The following MTMR3 variants were observed in gnomAD, a reference collection of about 807,000 sequenced individuals.
The protein encoded by MTMR3 is myotubularin related protein 3.
MTMR3 carries 32 observed loss-of-function variants against 132.4 expected under a neutral mutation model. That is an observed-to-expected ratio of 0.24 (90% CI 0.18 to 0.32). The LOEUF (loss-of-function observed/expected upper bound fraction) is 0.32, where lower values mean the gene tolerates loss of function less well. Ranked by LOEUF, MTMR3 falls within the 10% of genes least tolerant of loss-of-function variation. The pLI is 1.00. For synonymous variants in MTMR3, 556 were observed against 550.3 expected (o/e 1.01, Z -0.14); for missense variants, 1,216 against 1,489.6 (o/e 0.82, Z 3.02).
At position 29,967,296 on chromosome 22, in the gene MTMR3, G is replaced by A. The variant is rs970119308; in HGVS notation, c.-84-3680G>A. 5.3e-5 allele frequency among the ~76,000 whole-genome samples: 8 copies of A among 151,900 alleles called. No individual in the cohort carries two copies. In the East Asian group the frequency reaches 1.6e-3, roughly 29 times the overall value. ...CTTGCTCTGTCACTCAGGCTGGAGT[G>A]CAGTAGCATAAGCTCACTGCAGCCT... On this transcript the variant is annotated intron_variant, in intron 2 of 19. Coordinates refer to ENST00000401950, the MANE Select transcript of MTMR3 (RefSeq NM_021090.4).
At chr22:29,985,825 A>T (rs899828399) in intron 5 of MTMR3, 3 of 152,222 alleles carry the variant, frequency 2.0e-5, no homozygotes, top group Non-Finnish European at 2.9e-5. Context: ...TATAGAAAAA[A>T]ATATGTATAT....
chr22:29,982,926 TAA>T (rs2066778279), intron 5 of MTMR3: 1 of 148,346 alleles, frequency 6.7e-6, no homozygotes, highest in Non-Finnish European at 1.5e-5. Flanking sequence ...CATGAACGTT[TAA>T]AAGTTTGTTT....
chr22:29,904,584 T>C (rs1961766132), intron 1 of MTMR3, among the ~76,000 whole-genome samples: 1 of 152,236 alleles, frequency 6.6e-6, no homozygotes, highest in Non-Finnish European at 1.5e-5. Flanking sequence ...CAAGTGCTTA[T>C]AATATTAGAT....
chr22:30,006,844 G>A, intron 9 of MTMR3: 1 of 391,806 alleles, frequency 2.6e-6, no homozygotes, highest in East Asian at 5.6e-5. Flanking sequence ...TGCAGAGTGA[G>A]CCTCCATGCC....
At position 29,972,691 on chromosome 22, in the gene MTMR3, C is replaced by T. The variant is rs1950569143; in HGVS notation, c.3+1629C>T. Among the ~76,000 whole-genome samples the T allele has an allele frequency of 2.0e-5, 3 of 152,172 alleles. No homozygotes were observed. In the South Asian group the frequency reaches 6.2e-4, roughly 32 times the overall value. ...GTTCAAGCGATTCTTGTGCCTCGGCCTCTCAAGTAGCTAGAATTACAGGCA... is the reference window on the plus strand; with the variant it reads ...GTTCAAGCGATTCTTGTGCCTCGGCTTCTCAAGTAGCTAGAATTACAGGCA... On this transcript the variant is annotated intron_variant, in intron 3 of 19. Transcript: ENST00000401950.
intron 9 of MTMR3, chr22:30,006,820 CAA>C: frequency 2.9e-6 from 1 of 340,744 alleles, no homozygotes. Context: ...CTCAGCCTCT[CAA>C]AGTGCTGGGA....
chr22:29,891,200 T>C (rs776369070), intron 1 of MTMR3, among the ~76,000 whole-genome samples: 3 of 151,998 alleles, frequency 2.0e-5, no homozygotes, highest in Non-Finnish European at 2.9e-5. Context: ...TTGTGGACTT[T>C]ATAAAATACG....
chr22:29,958,347 T>G (rs2066242044), intron 2 of MTMR3, among the ~76,000 whole-genome samples: 1 of 152,180 alleles, frequency 6.6e-6, no homozygotes, highest in Non-Finnish European at 1.5e-5. Context: ...ATTTCCTTGT[T>G]CAGGAACTGT....
chr22:29,969,939 T>G (rs544392396), intron 2 of MTMR3, among the ~76,000 whole-genome samples: 4 of 152,336 alleles, frequency 2.6e-5, no homozygotes, highest in African/African-American at 9.6e-5. Flanking sequence ...CTTGCTTACA[T>G]TGCCCTTAAA....
At chr22:29,915,207 A>G (rs1393197136) in intron 1 of MTMR3, among the ~76,000 whole-genome samples, 1 of 152,210 alleles carries the variant, frequency 6.6e-6, no homozygotes, top group Non-Finnish European at 1.5e-5. Context: ...TCATTCTTTT[A>G]TAATGACTTG....
At chr22:29,991,209 G>T (rs1169912759) in intron 6 of MTMR3, 2 of 197,094 alleles carry the variant, frequency 1.0e-5, no homozygotes, top group Non-Finnish European at 2.0e-5. Context: ...TCATGAAAGA[G>T]AATAGCTGCC....
intron 3 of MTMR3, among the ~76,000 whole-genome samples, chr22:29,974,180 C>T (rs1392758164): frequency 6.6e-6 from 1 of 152,120 alleles, no homozygotes; most frequent in East Asian, 1.9e-4. Flanking sequence ...AGCTAGGATA[C>T]GTTTGTTTCC....
intron 1 of MTMR3, among the ~76,000 whole-genome samples, chr22:29,954,317 T>A (rs1218959835): frequency 6.6e-6 from 1 of 152,014 alleles, no homozygotes; most frequent in African/African-American, 2.4e-5. Context: ...TTGTATAGGC[T>A]GGTCTCAAGC....
chr22:29,988,431 G>A (rs747879848), intron 5 of MTMR3, 49 bp from the exon 6 acceptor site: 2 of 1,414,658 alleles, frequency 1.4e-6, no homozygotes, highest in East Asian at 2.3e-5. Context: ...AAGAACTCCA[G>A]GGTCAATGCC....
At chr22:29,935,546 A>T (rs924041482) in intron 1 of MTMR3, among the ~76,000 whole-genome samples, 1 of 152,250 alleles carries the variant, frequency 6.6e-6, no homozygotes, top group African/African-American at 2.4e-5. Context: ...ATGATACGGC[A>T]GAGTAAAACG....
At chr22:29,947,144 G>T (rs2065968478) in intron 1 of MTMR3, among the ~76,000 whole-genome samples, 1 of 152,080 alleles carries the variant, frequency 6.6e-6, no homozygotes, top group African/African-American at 2.4e-5. Context: ...CCAATCACAG[G>T]TTTGATTTTA....
At chr22:30,022,469 C>T in intron 18 of MTMR3, 140 bp from the exon 19 acceptor site, 1 of 721,060 alleles carries the variant, frequency 1.4e-6, no homozygotes. Context: ...CTTTCTTGTA[C>T]TGTTGACATC....
At chr22:29,946,021 TTGTG>T (rs57792760) in intron 1 of MTMR3, among the ~76,000 whole-genome samples, 2 of 150,780 alleles carry the variant, frequency 1.3e-5, no homozygotes, top group African/African-American at 4.9e-5. Context: ...GTGTATATAT[TTGTG>T]TGTGTGTGTG....
Position 30,020,433 on chromosome 22 carries a change from G to A in MTMR3, c.2774G>A (p.Gly925Glu), listed in dbSNP as rs775199854. Residue 925 changes from glycine to glutamate, a missense_variant, in exon 17 of 20, where the codon GGG becomes GAG. Physicochemically the swap from Gly to Glu is moderately conservative, Grantham distance 98. This residue lies in a region of MTMR3 where 852 missense variants were observed against 852.0 expected (regional missense o/e 1.00). Coordinates refer to ENST00000401950, the MANE Select transcript of MTMR3 (RefSeq NM_021090.4). ...TTGCCTTTAGCCGAATGTAAAGAGG[G>A]GCTTGTGTGCAATGGTGCCCCAGAG... ...CALPLAECKE[G>E]LVCNGAPETE... 1.3e-5 allele frequency: 21 copies of A among 1,614,016 alleles called. No homozygotes were observed. In the South Asian group the frequency reaches 2.1e-4, roughly 16 times the overall value.
Sources: allele counts gnomAD v4.1 joint callset (sites outside exome capture counted in the v4.1 genomes callset), GRCh38; gene constraint gnomAD v4.1.1; regional missense constraint gnomAD v4.1.1; transcripts MANE v1.5; gene names NCBI Gene and HGNC (gene_info 2026-07-23, HGNC 2026-07-21).